NBEA: variants seen among roughly 807,000 people sequenced by gnomAD.
The protein encoded by NBEA is neurobeachin, also known as lysosomal-trafficking regulator 2.
NBEA carries 44 observed loss-of-function variants against 343.4 expected under a neutral mutation model. That is an observed-to-expected ratio of 0.13 (90% confidence interval 0.10 to 0.16). The LOEUF is 0.16. Among genes scored for constraint, NBEA ranks in the 10% least tolerant of loss-of-function variants. NBEA has a pLI of 1.00. For missense variants in NBEA, 2,555 were observed against 3,631.3 expected, an observed-to-expected ratio of 0.70 and a Z score of 7.62; for synonymous variants, 1,175 against 1,238.7, an observed-to-expected ratio of 0.95 and a Z score of 1.08.
rs538063389 is a variant in NBEA, at chr13:34,991,698, G to A, written c.294+48584G>A. On this transcript the variant is annotated intron_variant, in intron 1 of 58. Coordinates refer to ENST00000379939, the MANE Select transcript of NBEA (RefSeq NM_001385012.1). ...AAGCAGTCATATGTATTTTAAAGAT[G>A]TACTAAGGACATATATTATTCTATG... Among the ~76,000 whole-genome samples the A allele has an allele frequency of 4.6e-5, 7 of 152,048 alleles. 1 individual carries two copies. Among genetic ancestry groups the A allele is most frequent in the Middle Eastern group, 6.3e-3 (2 of 316 alleles).
intron 41 of NBEA, among the ~76,000 whole-genome samples, chr13:35,484,443 G>A (rs910182852): frequency 4.6e-5 from 7 of 151,666 alleles, no homozygotes; most frequent in Non-Finnish European, 8.8e-5. Flanking sequence ...TTTTTTACTG[G>A]CAATTTCAGT....
intron 8 of NBEA, among the ~76,000 whole-genome samples, chr13:35,062,786 T>C (rs1039709248): frequency 1.3e-5 from 2 of 151,920 alleles, no homozygotes; most frequent in Non-Finnish European, 2.9e-5. Context: ...TTAAATAAAT[T>C]TGTTGTTATT....
At chr13:35,349,479 T>C (rs993601144) in intron 37 of NBEA, among the ~76,000 whole-genome samples, 1 of 151,986 alleles carries the variant, frequency 6.6e-6, no homozygotes, top group African/African-American at 2.4e-5. Flanking sequence ...CAAGAGTAAA[T>C]GCAAAAAATA....
At chr13:35,160,169 T>G (rs1438103487) in intron 22 of NBEA, 137 bp downstream of exon 22, 2 of 799,478 alleles carry the variant, frequency 2.5e-6, no homozygotes, top group African/African-American at 3.5e-5. Context: ...TGGAACTAAA[T>G]AGTGCGGTAT....
intron 38 of NBEA, among the ~76,000 whole-genome samples, chr13:35,355,303 G>A (rs1490294383): frequency 1.3e-5 from 2 of 151,906 alleles, no homozygotes; most frequent in Admixed American, 6.6e-5. Flanking sequence ...CATTCTCAGC[G>A]CAACAGCCTG....
At chr13:34,973,786 G>A (rs1472900175) in intron 1 of NBEA, among the ~76,000 whole-genome samples, 1 of 152,174 alleles carries the variant, frequency 6.6e-6, no homozygotes. Context: ...TGGAAGTGGG[G>A]TCCGCAGACC....
At chr13:35,476,110 T>C in intron 41 of NBEA, 2 of 1,614,220 alleles carry the variant, frequency 1.2e-6, no homozygotes, top group Non-Finnish European at 1.7e-6. Context: ...ATTCAGATGG[T>C]AGACCAGCTT....
chr13:34,948,055 G>A (rs1326606054), intron 1 of NBEA, among the ~76,000 whole-genome samples: 4 of 152,268 alleles, frequency 2.6e-5, no homozygotes, highest in Admixed American at 6.5e-5. Context: ...AAGAAAATAC[G>A]TAATGCATTG....
intron 34 of NBEA, among the ~76,000 whole-genome samples, chr13:35,252,511 A>G (rs935066726): frequency 6.6e-6 from 1 of 152,216 alleles, no homozygotes; most frequent in Non-Finnish European, 1.5e-5. Flanking sequence ...AGGCACTGGC[A>G]ATTGTCATAA....
At chr13:34,987,200 C>CA (rs1258616015) in intron 1 of NBEA, among the ~76,000 whole-genome samples, 4 of 150,926 alleles carry the variant, frequency 2.7e-5, no homozygotes, top group Non-Finnish European at 5.9e-5. Flanking sequence ...CTGGTGGTGA[C>CA]AAAATCTGTC....
At chr13:35,090,112 G>A (rs2065006232) in intron 10 of NBEA, among the ~76,000 whole-genome samples, 1 of 138,360 alleles carries the variant, frequency 7.2e-6, no homozygotes, top group South Asian at 2.4e-4. Flanking sequence ...GTATTAGTCA[G>A]TGTAGGTTAT....
chr13:35,511,709 T>C (rs2077283592), intron 41 of NBEA, among the ~76,000 whole-genome samples: 1 of 152,214 alleles, frequency 6.6e-6, no homozygotes, highest in Non-Finnish European at 1.5e-5. Context: ...ATTACCTATG[T>C]TAATACACTC....
intron 48 of NBEA, among the ~76,000 whole-genome samples, chr13:35,625,344 C>G (rs567004916): frequency 6.6e-6 from 1 of 152,274 alleles, no homozygotes; most frequent in South Asian, 2.1e-4. Flanking sequence ...AGGCCAGGTG[C>G]AGTTGCTCAC....
At chr13:35,518,085 G>A (rs536956121) in intron 41 of NBEA, among the ~76,000 whole-genome samples, 36 of 152,086 alleles carry the variant, frequency 2.4e-4, no homozygotes, top group African/African-American at 6.5e-4. Flanking sequence ...CATTTAATGA[G>A]CATGTACTTC....
rs60310074 is a variant in NBEA at position 35,459,017 on chromosome 13, C to CACA, written c.6448+6782_6448+6783insACA. On this transcript the variant is annotated intron_variant, in intron 40 of 58. Transcript: ENST00000379939. ...TTTCTTTACCACCGCCCCCCCCCCC[C>CACA]CACACACACACACACACACACTTAC... Among the ~76,000 whole-genome samples the CACA allele has an allele frequency of 3.3e-3, 246 of 74,904 alleles. 1 individual carries two copies. The highest frequency in any genetic ancestry group is 0.012 in the African/African-American group (201 of 16,474). 49.1% of individuals were successfully genotyped at this position (74,904 alleles called of 152,430 possible).
chr13:35,110,255 C>T (rs2066135051), intron 12 of NBEA, among the ~76,000 whole-genome samples: 3 of 141,034 alleles, frequency 2.1e-5, no homozygotes. Context: ...TGAAGAAATG[C>T]TCATCATCTT....
chr13:35,382,390 A>G (rs940818744), intron 38 of NBEA, among the ~76,000 whole-genome samples: 3 of 152,126 alleles, frequency 2.0e-5, no homozygotes, highest in African/African-American at 7.2e-5. Context: ...ATTCTATTTT[A>G]TTTAACATAT....
At chr13:35,071,063 T>TTTGTGA in intron 10 of NBEA, 2 of 367,450 alleles carry the variant, frequency 5.4e-6, no homozygotes, top group South Asian at 2.5e-4. Flanking sequence ...AGGAATGCCT[T>TTTGTGA]CCTTGATAAT....
intron 34 of NBEA, among the ~76,000 whole-genome samples, chr13:35,274,373 AAG>A (rs1404280039): frequency 3.3e-5 from 5 of 152,212 alleles, no homozygotes; most frequent in African/African-American, 1.2e-4. Context: ...TCAAAATAAT[AAG>A]AGCTATTTAT....
Sources: gnomAD v4.1 joint callset for allele counts (sites outside exome capture counted in the v4.1 genomes callset) on GRCh38, gnomAD v4.1.1 for gene constraint, MANE v1.5 for transcripts, NCBI Gene and HGNC (gene_info 2026-07-23, HGNC 2026-07-21) for gene names.